Variants in CRYZL1 observed in about 807,000 individuals in gnomAD.
The protein encoded by CRYZL1 is ferry endosomal RAB5 effector complex subunit 4.
Under a neutral mutation model 50.6 loss-of-function variants are expected in CRYZL1, and 34 were observed. The observed-to-expected ratio is 0.67, with a 90% confidence interval of 0.51 to 0.89. The LOEUF is 0.89. CRYZL1 is among the 40% of genes least tolerant of loss of function. CRYZL1 has a pLI of 0.00. For synonymous variants in CRYZL1, 125 were observed against 134.3 expected (o/e 0.93, Z 0.48); for missense variants, 354 against 402.3 (o/e 0.88, Z 1.03).
In CRYZL1 at chr21:33,609,939, T is replaced by G. The variant is rs547497858; in HGVS notation, c.331+3599A>C. ...CAGGATGGTCTCGATCTCCTGACCT[T>G]GTGATCCGCCCGCCTCGGCCTCCCA... On this transcript the variant is annotated intron_variant, in intron 6 of 12. Transcript: ENST00000381554. 4.0e-5 allele frequency among the ~76,000 whole-genome samples: 6 copies of G among 149,922 alleles called. No homozygotes were observed. The South Asian group carries it at 1.3e-3, about 32-fold the overall frequency.
chr21:33,639,000 A>ATGTG (rs2087244282), intron 1 of CRYZL1, among the ~76,000 whole-genome samples: 1 of 152,212 alleles, frequency 6.6e-6, no homozygotes, highest in Admixed American at 6.5e-5. Context: ...GAATTTATAC[A>ATGTG]TGTGTGGCAT....
At chr21:33,620,756 GCAGAC>G (rs1207680486) in intron 4 of CRYZL1, among the ~76,000 whole-genome samples, 1 of 151,820 alleles carries the variant, frequency 6.6e-6, no homozygotes, top group African/African-American at 2.4e-5. Context: ...TTGCAGTGGA[GCAGAC>G]ATCACGCCAC....
chr21:33,604,526 CT>C (rs1220923009), intron 6 of CRYZL1, among the ~76,000 whole-genome samples: 3 of 60,256 alleles, frequency 5.0e-5, no homozygotes, highest in Non-Finnish European at 8.7e-5. Context: ...AAGACTCCGT[CT>C]CAAAAAAAAA....
intron 4 of CRYZL1, among the ~76,000 whole-genome samples, chr21:33,620,380 A>G (rs983455367): frequency 3.3e-5 from 5 of 152,208 alleles, no homozygotes; most frequent in Non-Finnish European, 5.9e-5. Context: ...TTATTTCATC[A>G]TAAAAAGACA....
At chr21:33,631,239 C>T (rs562437424) in intron 2 of CRYZL1, among the ~76,000 whole-genome samples, 62 of 152,268 alleles carry the variant, frequency 4.1e-4, no homozygotes, top group African/African-American at 1.4e-3. Flanking sequence ...ATCAAAACAT[C>T]ACAGGGTACC....
intron 1 of CRYZL1, chr21:33,640,238 G>A: frequency 1.3e-6 from 2 of 1,543,430 alleles, no homozygotes; most frequent in Non-Finnish European, 1.7e-6. Context: ...GCACAAGGCT[G>A]GCAGCTTTAT....
chr21:33,637,037 TAC>T (rs751965679), intron 1 of CRYZL1, among the ~76,000 whole-genome samples: 4 of 152,180 alleles, frequency 2.6e-5, no homozygotes, highest in Non-Finnish European at 4.4e-5. Flanking sequence ...ATTCCTTACC[TAC>T]ACTTTCAGGC....
At chr21:33,641,316 G>A in intron 1 of CRYZL1, 1 of 1,543,202 alleles carries the variant, frequency 6.5e-7, no homozygotes, top group South Asian at 1.2e-5. Context: ...CTGAGAAGAA[G>A]TAACAGAGAA....
chr21:33,621,349 A>ATT (rs1269453875), intron 4 of CRYZL1, among the ~76,000 whole-genome samples: 1 of 147,952 alleles, frequency 6.8e-6, no homozygotes, highest in Non-Finnish European at 1.5e-5. Context: ...AAATTAATAG[A>ATT]TTTTTTTTTG....
intron 9 of CRYZL1, among the ~76,000 whole-genome samples, chr21:33,598,793 A>C (rs2086720958): frequency 6.6e-6 from 1 of 151,860 alleles, no homozygotes; most frequent in African/African-American, 2.4e-5. Flanking sequence ...AAAACATTAT[A>C]AGACATTTTT....
At chr21:33,591,105 T>C in intron 12 of CRYZL1, 57 bp downstream of exon 12, 1 of 1,318,338 alleles carries the variant, frequency 7.6e-7, no homozygotes, top group Non-Finnish European at 1.1e-6. Context: ...CTGCCTGCCT[T>C]AGCTCCCTGA....
intron 4 of CRYZL1, among the ~76,000 whole-genome samples, chr21:33,618,145 C>T (rs902808255): frequency 6.6e-5 from 10 of 151,872 alleles, no homozygotes; most frequent in African/African-American, 1.7e-4. Context: ...AAAAATTAGC[C>T]GGGCGTGGTG....
chr21:33,621,583 C>T (rs1032249294), intron 4 of CRYZL1, among the ~76,000 whole-genome samples: 15 of 151,972 alleles, frequency 9.9e-5, no homozygotes, highest in African/African-American at 3.1e-4. Flanking sequence ...CCTTGTGATC[C>T]GCCCGCCTCA....
At chr21:33,600,461 T>C (rs1269846150) in intron 8 of CRYZL1, among the ~76,000 whole-genome samples, 1 of 152,156 alleles carries the variant, frequency 6.6e-6, no homozygotes, top group Admixed American at 6.6e-5. Context: ...AGAGAATTCC[T>C]CTTAGAGCTG....
At chr21:33,627,713 C>G (rs1214752773) in intron 2 of CRYZL1, among the ~76,000 whole-genome samples, 1 of 150,484 alleles carries the variant, frequency 6.6e-6, no homozygotes, top group Non-Finnish European at 1.5e-5. Context: ...ATCTTTCTAC[C>G]TCTTCCATTT....
At chr21:33,601,474 C>T (rs1337671728) in intron 8 of CRYZL1, among the ~76,000 whole-genome samples, 1 of 152,116 alleles carries the variant, frequency 6.6e-6, no homozygotes, top group Non-Finnish European at 1.5e-5. Context: ...CTAGTTCTTC[C>T]ACACCCAGCC....
Position 33,589,772 on chromosome 21 carries a change from T to G in CRYZL1, c.*50A>C. ...AACAATTTCCAAAGAAAATTCTGGC[T>G]TCAAATACTGGAATATGTTCATCCG... On this transcript the variant is annotated 3_prime_UTR_variant, in exon 13 of 13. Transcript: ENST00000381554. 3.3e-6 allele frequency: 4 copies of G among 1,221,144 alleles called. No homozygotes were observed. Among genetic ancestry groups the G allele is most frequent in the Non-Finnish European group, 4.8e-6 (4 of 841,702 alleles). 75.6% of individuals were successfully genotyped at this position (1,221,144 alleles called of 1,614,324 possible). A position where few individuals can be genotyped will look rare whatever the true frequency, so the allele number is the denominator to read the frequency against.
At chr21:33,621,548 A>G (rs1359491788) in intron 4 of CRYZL1, among the ~76,000 whole-genome samples, 1 of 151,720 alleles carries the variant, frequency 6.6e-6, no homozygotes, top group African/African-American at 2.4e-5. Context: ...TCACCGTGTT[A>G]GCCAGGATGG....
chr21:33,599,292 G>A, intron 8 of CRYZL1, 44 bp from the exon 9 acceptor site: 2 of 1,612,758 alleles, frequency 1.2e-6, no homozygotes, highest in Non-Finnish European at 1.7e-6. Flanking sequence ...TTCTCTATGT[G>A]ATCAACACAA....
Sources: gnomAD v4.1 joint callset for allele counts (sites outside exome capture counted in the v4.1 genomes callset) on GRCh38, gnomAD v4.1.1 for gene constraint, MANE v1.5 for transcripts, NCBI Gene and HGNC (gene_info 2026-07-23, HGNC 2026-07-21) for gene names.